The following COBL variants were observed in gnomAD, a reference collection of about 807,000 sequenced individuals.
The protein encoded by COBL is protein cordon-bleu.
Under a neutral mutation model 98.8 loss-of-function variants are expected in COBL, and 51 were observed. The observed-to-expected ratio is 0.52, with a 90% confidence interval of 0.41 to 0.65. COBL has a LOEUF of 0.65. Among genes scored for constraint, COBL ranks in the 30% least tolerant of loss-of-function variants. COBL has a pLI of 0.00. For missense variants in COBL, 1,617 were observed against 1,617.5 expected (o/e 1.00, Z 0.01); for synonymous variants, 634 against 651.7 (o/e 0.97, Z 0.41).
intron 2 of COBL, among the ~76,000 whole-genome samples, chr7:51,204,829 G>C (rs1791515853): frequency 6.6e-6 from 1 of 152,078 alleles, no homozygotes; most frequent in Non-Finnish European, 1.5e-5. Context: ...GATTACAGGT[G>C]TGAGCCACCA....
chr7:51,300,140 CTGTTTTGTTT>C (rs113190272), intron 1 of COBL, among the ~76,000 whole-genome samples: 12,499 of 148,294 alleles, frequency 0.084, 615 homozygotes, highest in Middle Eastern at 0.14. Context: ...GTTTGCTTTT[CTGTTTTGTTT>C]TGTTTTGTTT....
At chr7:51,072,363 G>A (rs1792644990) in intron 7 of COBL, 1 of 152,160 alleles carries the variant, frequency 6.6e-6, no homozygotes. Flanking sequence ...CTAGCTCTTC[G>A]TAACTGGGTG....
At chr7:51,291,272 T>C (rs1800866686) in intron 1 of COBL, among the ~76,000 whole-genome samples, 1 of 152,018 alleles carries the variant, frequency 6.6e-6, no homozygotes, top group African/African-American at 2.4e-5. Context: ...ATTCACAGAG[T>C]CACCAGAAAG....
chr7:51,062,553 A>G (rs1773356709), intron 7 of COBL, among the ~76,000 whole-genome samples: 1 of 152,214 alleles, frequency 6.6e-6, no homozygotes, highest in South Asian at 2.1e-4. Context: ...TGTCTCAACT[A>G]AACTAGACCA....
chr7:51,097,854 T>C (rs1795419988), intron 6 of COBL, among the ~76,000 whole-genome samples: 1 of 151,818 alleles, frequency 6.6e-6, no homozygotes, highest in Admixed American at 6.6e-5. Context: ...AAACCCTGTC[T>C]CTACTAAAAA....
chr7:51,223,736 A>C (rs1248486503), intron 1 of COBL, among the ~76,000 whole-genome samples: 4 of 152,206 alleles, frequency 2.6e-5, no homozygotes, highest in Admixed American at 2.6e-4. Flanking sequence ...GCACACACAT[A>C]GCTGAGATCA....
intron 6 of COBL, among the ~76,000 whole-genome samples, chr7:51,135,787 A>G (rs980412829): frequency 2.0e-5 from 3 of 152,210 alleles, no homozygotes; most frequent in East Asian, 1.9e-4. Context: ...AAATGTTGGC[A>G]TTTGTGGCAT....
intron 5 of COBL, among the ~76,000 whole-genome samples, chr7:51,178,099 T>C (rs933232528): frequency 1.3e-5 from 2 of 152,112 alleles, no homozygotes; most frequent in African/African-American, 4.8e-5. Context: ...TGAGCCAAGA[T>C]CATGCCATTG....
At chr7:51,316,073 C>T (rs980188087) in intron 1 of COBL, among the ~76,000 whole-genome samples, 6 of 152,158 alleles carry the variant, frequency 3.9e-5, no homozygotes, top group Non-Finnish European at 5.9e-5. Context: ...GGGGCCCGGG[C>T]GGCTGCGAAG....
At chr7:51,257,168 G>A (rs182340537) in intron 1 of COBL, among the ~76,000 whole-genome samples, 9 of 152,298 alleles carry the variant, frequency 5.9e-5, no homozygotes, top group Admixed American at 5.2e-4. Flanking sequence ...GACAGATCCA[G>A]AGAACCAGTG....
intron 1 of COBL, among the ~76,000 whole-genome samples, chr7:51,249,670 T>C (rs10246513): frequency 0.048 from 7,337 of 152,244 alleles, 580 homozygotes; most frequent in African/African-American, 0.16. Flanking sequence ...TTTTCCACTT[T>C]CACCACCCTA....
At chr7:51,077,551 C>A (rs897591473) in intron 7 of COBL, among the ~76,000 whole-genome samples, 12 of 152,308 alleles carry the variant, frequency 7.9e-5, no homozygotes, top group Middle Eastern at 6.8e-3. Context: ...CCCTATGTTG[C>A]CTTTAAAAAG....
intron 7 of COBL, among the ~76,000 whole-genome samples, chr7:51,058,736 T>C (rs1294902434): frequency 6.6e-6 from 1 of 152,226 alleles, no homozygotes; most frequent in Non-Finnish European, 1.5e-5. Context: ...AGAGGCGTGA[T>C]GAGGCAGGGA....
At chr7:51,183,259 G>C (rs967190101) in intron 5 of COBL, among the ~76,000 whole-genome samples, 1 of 152,118 alleles carries the variant, frequency 6.6e-6, no homozygotes, top group Non-Finnish European at 1.5e-5. Flanking sequence ...TATACAGATG[G>C]AGCACACTTC....
chr7:51,035,656 A>T (rs1034392622), intron 8 of COBL: 1 of 151,624 alleles, frequency 6.6e-6, no homozygotes, highest in Admixed American at 6.6e-5. Context: ...GAAAATGTAT[A>T]AAGAAATAGG....
At chr7:51,105,852 G>A (rs962884882) in intron 6 of COBL, among the ~76,000 whole-genome samples, 3 of 151,966 alleles carry the variant, frequency 2.0e-5, no homozygotes, top group East Asian at 1.9e-4. Context: ...CTTTAATTCC[G>A]CAGAATTTCA....
intron 1 of COBL, among the ~76,000 whole-genome samples, chr7:51,267,462 A>G (rs1439165951): frequency 6.6e-6 from 1 of 151,718 alleles, no homozygotes; most frequent in Non-Finnish European, 1.5e-5. Context: ...ATTTTCATAC[A>G]TTCATTTATT....
chr7:51,191,937 G>C (rs994343967), intron 3 of COBL, among the ~76,000 whole-genome samples: 8 of 152,162 alleles, frequency 5.3e-5, no homozygotes, highest in African/African-American at 1.9e-4. Flanking sequence ...CAGTGGCTGG[G>C]ATAACAATGC....
At chr7:51,258,092 A>G (rs1248796304) in intron 1 of COBL, among the ~76,000 whole-genome samples, 1 of 152,224 alleles carries the variant, frequency 6.6e-6, no homozygotes, top group Non-Finnish European at 1.5e-5. Context: ...ATACTTTTTT[A>G]TAACTAGAAG....
Sources: allele counts gnomAD v4.1 joint callset (sites outside exome capture counted in the v4.1 genomes callset), GRCh38; gene constraint gnomAD v4.1.1; transcripts MANE v1.5; gene names NCBI Gene and HGNC (gene_info 2026-07-23, HGNC 2026-07-21).